LARP1: variants seen among roughly 807,000 people sequenced by gnomAD.
LARP1 encodes La ribonucleoprotein 1, translational regulator.
Under a neutral mutation model 122.7 loss-of-function variants are expected in LARP1, and 36 were observed. That is an observed-to-expected ratio of 0.29 (90% confidence interval 0.22 to 0.39). The LOEUF is 0.39. Among genes scored for constraint, LARP1 ranks in the 10% least tolerant of loss-of-function variants. The pLI, the probability that LARP1 is intolerant of heterozygous loss-of-function variation, is 1.00. For missense variants in LARP1, 1,040 were observed against 1,403.6 expected (o/e 0.74, Z 4.14); for synonymous variants, 539 against 528.7 (o/e 1.02, Z -0.27).
At chr5:154,780,272 C>T (rs963106672) in intron 1 of LARP1, among the ~76,000 whole-genome samples, 2 of 152,196 alleles carry the variant, frequency 1.3e-5, no homozygotes, top group African/African-American at 4.8e-5. Context: ...CCTTCCCTGG[C>T]AGGGCTCAAA....
At chr5:154,707,806 G>A (rs1755023974) in intron 1 of LARP1, among the ~76,000 whole-genome samples, 1 of 152,268 alleles carries the variant, frequency 6.6e-6, no homozygotes, top group Admixed American at 6.5e-5. Context: ...AGTCTACTCC[G>A]TAATCTTGTT....
intron 1 of LARP1, among the ~76,000 whole-genome samples, chr5:154,733,440 C>T (rs541391987): frequency 1.3e-5 from 2 of 152,240 alleles, no homozygotes; most frequent in African/African-American, 4.8e-5. Flanking sequence ...AGTGATCTTC[C>T]TGCCTCAGCC....
At chr5:154,742,182 C>T (rs78836410) in intron 1 of LARP1, among the ~76,000 whole-genome samples, 2,937 of 152,244 alleles carry the variant, frequency 0.019, 89 homozygotes, top group African/African-American at 0.068. Context: ...AGGTAGGAAA[C>T]GTTAGAAACT....
intron 1 of LARP1, among the ~76,000 whole-genome samples, chr5:154,762,795 A>G (rs1344846102): frequency 2.0e-5 from 3 of 152,204 alleles, no homozygotes; most frequent in Non-Finnish European, 4.4e-5. Context: ...CAGCCACTCA[A>G]AGTTGCCTTT....
chr5:154,706,332 A>G (rs1206337874), intron 1 of LARP1, among the ~76,000 whole-genome samples: 2 of 142,798 alleles, frequency 1.4e-5, no homozygotes, highest in Admixed American at 1.4e-4. Flanking sequence ...TAATAATAAT[A>G]ATAAAATGTG....
chr5:154,803,726 G>T lies in LARP1; in HGVS notation c.2420G>T (p.Gly807Val), dbSNP rs867735671. Residue 807 changes from glycine (G) to valine (V), a missense_variant, in exon 13 of 19, where the codon GGA becomes GTA. Around this residue, in one of 8 missense-constraint regions of LARP1, gnomAD observed 18 missense variants for 60.2 expected, o/e 0.30. Coordinates refer to ENST00000518297, the MANE Select transcript of LARP1 (RefSeq NM_033551.3). The surrounding 1 kb of genome is among the most constrained non-coding windows in gnomAD (Gnocchi z 4.4). ...TSRFYPVVKE[G>V]RTLDAKMPRK... Reference sequence around the variant, plus strand: ...CGGTTTTACCCAGTGGTGAAAGAAGGACGGACACTGGATGCCAAGGTGAGG... The same window carrying T: ...CGGTTTTACCCAGTGGTGAAAGAAGTACGGACACTGGATGCCAAGGTGAGG... 6.2e-7 allele frequency: 1 copy of T among 1,614,184 alleles called. No homozygotes were observed. Among genetic ancestry groups the T allele is most frequent in the Non-Finnish European group, 8.5e-7 (1 of 1,180,042 alleles).
intron 1 of LARP1, among the ~76,000 whole-genome samples, chr5:154,727,706 C>T (rs551496555): frequency 6.6e-6 from 1 of 152,190 alleles, no homozygotes; most frequent in Non-Finnish European, 1.5e-5. Flanking sequence ...TTTAATTATT[C>T]CACAATGTAT....
rs115158361 is a variant in LARP1, at chr5:154,811,130, T to C, written c.2844-117T>C. 565 of 744,924 alleles carry C rather than the reference T, an allele frequency of 7.6e-4. 4 individuals are homozygous for C. The African/African-American group carries it at 8.9e-3, about 12-fold the overall frequency. 46.1% of individuals were successfully genotyped at this position (744,924 alleles called of 1,614,324 possible). ...ATTCTAAAAGCGTGTATGCTGTTTT[T>C]TCAATACAGAAATAACATGTAGTTT... is the stretch of plus-strand genomic sequence containing the variant. On this transcript the variant is annotated intron_variant, in intron 16 of 18. Transcript: ENST00000518297.
At chr5:154,767,059 T>C (rs1205500544) in intron 1 of LARP1, among the ~76,000 whole-genome samples, 1 of 152,226 alleles carries the variant, frequency 6.6e-6, no homozygotes, top group Non-Finnish European at 1.5e-5. Context: ...TACAGTTCTG[T>C]TTTAACTCTA....
At chr5:154,706,704 C>A (rs1192271074) in intron 1 of LARP1, among the ~76,000 whole-genome samples, 1 of 150,784 alleles carries the variant, frequency 6.6e-6, no homozygotes, top group Non-Finnish European at 1.5e-5. Flanking sequence ...ATCCCCTGAA[C>A]CTAAAATAAA....
intron 1 of LARP1, among the ~76,000 whole-genome samples, chr5:154,780,142 C>A (rs905398456): frequency 1.2e-4 from 18 of 152,166 alleles, no homozygotes; most frequent in African/African-American, 4.1e-4. Flanking sequence ...AAAGTCCCTC[C>A]CACTGCTGTG....
At chr5:154,807,539 CTTTATT>C (rs1369728785) in intron 15 of LARP1, among the ~76,000 whole-genome samples, 29 of 151,950 alleles carry the variant, frequency 1.9e-4, no homozygotes, top group Admixed American at 1.8e-3. Flanking sequence ...GTCTATTTTT[CTTTATT>C]TTTATTATTT....
chr5:154,810,300 G>T (rs891138466), intron 16 of LARP1, among the ~76,000 whole-genome samples: 1 of 151,614 alleles, frequency 6.6e-6, no homozygotes, highest in Non-Finnish European at 1.5e-5. Context: ...GCTGGGTGTG[G>T]TGGCACATGC....
chr5:154,809,530 C>T (rs914974469), intron 16 of LARP1, among the ~76,000 whole-genome samples: 2 of 152,016 alleles, frequency 1.3e-5, no homozygotes, highest in African/African-American at 2.4e-5. Context: ...GAAGTTTGTG[C>T]TCTTCCAGAC....
intron 1 of LARP1, among the ~76,000 whole-genome samples, chr5:154,763,214 C>G (rs546471683): frequency 9.2e-5 from 14 of 152,162 alleles, no homozygotes; most frequent in Non-Finnish European, 1.8e-4. Flanking sequence ...CCATGCACCA[C>G]CACGCCTGGC....
rs565006695 is a variant in LARP1 at position 154,714,906 on chromosome 5, G to C, written c.205+1776G>C. Among the ~76,000 whole-genome samples the C allele has an allele frequency of 2.7e-3, 407 of 152,280 alleles. 3 individuals are homozygous for C. The highest frequency in any genetic ancestry group is 8.7e-3 in the African/African-American group (362 of 41,574). Reference sequence around the variant, plus strand: ...AATGAAATTAAAAATGAAGCCGGGTGCGGTGGCTCACGCCTATAATCCTAG... The same window carrying C: ...AATGAAATTAAAAATGAAGCCGGGTCCGGTGGCTCACGCCTATAATCCTAG... On this transcript the variant is annotated intron_variant, in intron 1 of 18. Coordinates refer to the LARP1 transcript ENST00000336314.
chr5:154,745,659 A>C (rs1753148795), intron 1 of LARP1, among the ~76,000 whole-genome samples: 1 of 152,182 alleles, frequency 6.6e-6, no homozygotes, highest in Non-Finnish European at 1.5e-5. Context: ...AATCCTCTCA[A>C]AGACATAATG....
At position 154,802,078 on chromosome 5, in the gene LARP1, C is replaced by T. The variant is rs1292782201; in HGVS notation, c.1788C>T (p.Ser596=). 1.2e-6 allele frequency: 2 copies of T among 1,613,996 alleles called. No homozygotes were observed. Among genetic ancestry groups the T allele is most frequent in the African/African-American group, 2.7e-5 (2 of 74,896 alleles). The change falls in exon 11 of 19, where the codon TCC becomes TCT. Residue 596 remains serine, a synonymous_variant. Coordinates refer to ENST00000518297, the MANE Select transcript of LARP1 (RefSeq NM_033551.3). The surrounding 1 kb of genome is among the most constrained non-coding windows in gnomAD (Gnocchi z 5.1). ...AGCTGCCTTCCCAGCAGCTGATGTCCAAGGATCAGGATGAGCAAGAGGAAC... is the reference window on the plus strand; with the variant it reads ...AGCTGCCTTCCCAGCAGCTGATGTCTAAGGATCAGGATGAGCAAGAGGAAC... ...PQQLPSQQLM[S]KDQDEQEELD... is the part of the protein sequence containing the mutation.
intron 1 of LARP1, among the ~76,000 whole-genome samples, chr5:154,763,881 G>C (rs976251456): frequency 2.0e-5 from 3 of 152,118 alleles, no homozygotes; most frequent in African/African-American, 4.8e-5. Context: ...GAGCATGGTG[G>C]TGCGTGCCTG....
Sources: gnomAD v4.1 joint callset for allele counts (sites outside exome capture counted in the v4.1 genomes callset) on GRCh38, gnomAD v4.1.1 for gene constraint, gnomAD v4.1.1 regional missense constraint, Gnocchi (gnomAD v3.1) non-coding constraint, MANE v1.5 for transcripts, NCBI Gene and HGNC (gene_info 2026-07-23, HGNC 2026-07-21) for gene names.